Variants in HTR4 observed in about 807,000 individuals in gnomAD.
The protein encoded by HTR4 is 5-hydroxytryptamine receptor 4.
Under a neutral mutation model 36.8 loss-of-function variants are expected in HTR4, and 16 were observed. The ratio of observed to expected loss-of-function variants is 0.43; its 90% CI spans 0.29 to 0.66. The LOEUF is 0.66. HTR4 is among the 30% of genes least tolerant of loss of function. The pLI is 0.13. For synonymous variants in HTR4, 189 were observed against 185.1 expected (o/e 1.02, Z -0.17); for missense variants, 438 against 490.9 (o/e 0.89, Z 1.02).
intron 6 of HTR4, among the ~76,000 whole-genome samples, chr5:148,487,366 T>G (rs1458062061): frequency 6.6e-6 from 1 of 152,070 alleles, no homozygotes; most frequent in Non-Finnish European, 1.5e-5. Flanking sequence ...TTACTTGTTC[T>G]GTGGAAGAAA....
intron 5 of HTR4, among the ~76,000 whole-genome samples, chr5:148,468,931 T>G (rs1233383586): frequency 6.6e-6 from 1 of 152,096 alleles, no homozygotes; most frequent in Non-Finnish European, 1.5e-5. Flanking sequence ...GACTTCTGCT[T>G]GCTGCTGCCA....
At chr5:148,476,681 T>C, downstream of HTR4, 2 of 1,591,090 alleles carry the variant, frequency 1.3e-6, no homozygotes, top group Non-Finnish European at 8.5e-7. Flanking sequence ...CAAAAACCTG[T>C]GTTGGGCACT....
chr5:148,553,886 G>A lies in HTR4; in HGVS notation c.27-3624C>T, dbSNP rs540709152. On this transcript the variant is annotated intron_variant, in intron 2 of 6. Transcript: ENST00000377888. ...CCAATTCAATCCCAGGGGTACACCCGAAAGAATTGAAAGCAGGGATACAAA... is the reference window on the plus strand; with the variant it reads ...CCAATTCAATCCCAGGGGTACACCCAAAAGAATTGAAAGCAGGGATACAAA... Among the ~76,000 whole-genome samples, 9 of 152,298 alleles carry A rather than the reference G, an allele frequency of 5.9e-5. No homozygotes were observed. In the South Asian group the frequency reaches 8.3e-4, roughly 14 times the overall value.
In HTR4 at chr5:148,548,765, A is replaced by G. The variant is rs1357235058; in HGVS notation, c.256T>C (p.Trp86Arg). The G allele has an allele frequency of 6.2e-7, 1 of 1,614,084 alleles. No individual in the cohort carries two copies. The highest frequency in any genetic ancestry group is 8.5e-7 in the Non-Finnish European group (1 of 1,179,970). ...FGAIELVQDI[W>R]IYGEVFCLVR... ...AGACAAAACACCTCCCCATAAATCC[A>G]GATGTCTTGAACCAGCTCAATGGCA... The change falls in exon 4 of 7, where the codon TGG (tryptophan) becomes CGG (arginine). Residue 86 changes from tryptophan to arginine, a missense_variant. Transcript: ENST00000377888.
intron 6 of HTR4, among the ~76,000 whole-genome samples, chr5:148,483,960 TA>T (rs1756024376): frequency 1.4e-5 from 2 of 145,544 alleles, no homozygotes; most frequent in African/African-American, 5.4e-5. Context: ...TTTATTTATT[TA>T]TTTATTTATT....
intron 2 of HTR4, among the ~76,000 whole-genome samples, chr5:148,588,513 A>G (rs1013497884): frequency 2.7e-4 from 40 of 149,744 alleles, no homozygotes; most frequent in Non-Finnish European, 5.3e-4. Flanking sequence ...TATCATTCAC[A>G]GTAGGTTTTA....
intron 2 of HTR4, among the ~76,000 whole-genome samples, chr5:148,585,239 A>G (rs879404835): frequency 1.3e-5 from 2 of 152,196 alleles, no homozygotes; most frequent in African/African-American, 4.8e-5. Context: ...TCTCTCTGCA[A>G]TTATCTGATT....
intron 6 of HTR4, 56 bp downstream of exon 6, chr5:148,509,400 A>AC: frequency 1.5e-6 from 2 of 1,323,224 alleles, no homozygotes; most frequent in Non-Finnish European, 2.1e-6. Context: ...CTGGAGCATT[A>AC]CCCCTTCTGA....
intron 2 of HTR4, among the ~76,000 whole-genome samples, chr5:148,555,795 A>G (rs149976744): frequency 8.8e-4 from 134 of 152,372 alleles, no homozygotes; most frequent in African/African-American, 3.0e-3. Flanking sequence ...TCTTCATGAA[A>G]GAAAATATAA....
chr5:148,491,438 G>A (rs1756433542), intron 6 of HTR4, among the ~76,000 whole-genome samples: 1 of 152,124 alleles, frequency 6.6e-6, no homozygotes, highest in South Asian at 2.1e-4. Context: ...CTTGGCAGTG[G>A]CAAGGAAGTT....
chr5:148,552,684 C>T (rs1320852897), intron 2 of HTR4, among the ~76,000 whole-genome samples: 3 of 152,230 alleles, frequency 2.0e-5, no homozygotes, highest in African/African-American at 7.2e-5. Context: ...ACAGCATTTA[C>T]TGTTATCTGA....
At chr5:148,628,721 T>A (rs1561658923) in intron 2 of HTR4, 1 of 152,182 alleles carries the variant, frequency 6.6e-6, no homozygotes, top group Admixed American at 6.5e-5. Flanking sequence ...TATTTCTTTA[T>A]TTACAAAAAT....
At chr5:148,497,326 TG>T (rs1264231147) in intron 6 of HTR4, among the ~76,000 whole-genome samples, 2 of 152,194 alleles carry the variant, frequency 1.3e-5, no homozygotes, top group Non-Finnish European at 2.9e-5. Flanking sequence ...GAGGATTGAG[TG>T]TTATCTCATA....
intron 5 of HTR4, among the ~76,000 whole-genome samples, chr5:148,516,627 C>CTTTTTT (rs3041922): frequency 0.13 from 18,265 of 143,034 alleles, 2,058 homozygotes; most frequent in African/African-American, 0.29. Context: ...CAAAAATTCC[C>CTTTTTT]TTTTTTTTTT....
At chr5:148,452,283 C>G (rs1320858829) in intron 5 of HTR4, among the ~76,000 whole-genome samples, 1 of 152,074 alleles carries the variant, frequency 6.6e-6, no homozygotes, top group Non-Finnish European at 1.5e-5. Context: ...TAGTGATGCC[C>G]ATGGGAATAT....
At chr5:148,595,865 TTAGTG>T in intron 2 of HTR4, among the ~76,000 whole-genome samples, 1 of 152,324 alleles carries the variant, frequency 6.6e-6, no homozygotes, top group East Asian at 1.9e-4. Flanking sequence ...GCATGAGGAG[TTAGTG>T]TAGTGACACA....
At chr5:148,568,306 T>C (rs1760535115) in intron 2 of HTR4, among the ~76,000 whole-genome samples, 1 of 152,190 alleles carries the variant, frequency 6.6e-6, no homozygotes, top group African/African-American at 2.4e-5. Flanking sequence ...TTTCATTTTT[T>C]ACACTGATTA....
downstream of HTR4, among the ~76,000 whole-genome samples, chr5:148,480,803 C>T (rs1274438823): frequency 6.6e-6 from 1 of 152,178 alleles, no homozygotes; most frequent in African/African-American, 2.4e-5. Flanking sequence ...TGGTTTACCT[C>T]CCGGTAAATA....
intron 2 of HTR4, among the ~76,000 whole-genome samples, chr5:148,559,791 T>A (rs1464085049): frequency 6.6e-6 from 1 of 152,114 alleles, no homozygotes; most frequent in Non-Finnish European, 1.5e-5. Flanking sequence ...TTACGTAAGA[T>A]GCCTCACTGC....
Sources: gnomAD v4.1 joint callset for allele counts (sites outside exome capture counted in the v4.1 genomes callset) on GRCh38, gnomAD v4.1.1 for gene constraint, MANE v1.5 for transcripts, NCBI Gene and HGNC (gene_info 2026-07-23, HGNC 2026-07-21) for gene names.